The following CAMSAP2 variants were observed in gnomAD, a reference collection of about 807,000 sequenced individuals.
The protein encoded by CAMSAP2 is calmodulin regulated spectrin associated protein family member 2, also known as calmodulin-regulated spectrin-associated protein 2.
In CAMSAP2, 26 loss-of-function variants were observed where a neutral mutation model predicts 146.1. The ratio of observed to expected loss-of-function variants is 0.18; its 90% CI spans 0.13 to 0.25. The LOEUF is 0.25. Ranked by LOEUF, CAMSAP2 falls within the 10% of genes least tolerant of loss-of-function variation. CAMSAP2 has a pLI of 1.00. For synonymous variants in CAMSAP2, 499 were observed against 596.6 expected (o/e 0.84, Z 2.38); for missense variants, 1,381 against 1,759.3 (o/e 0.78, Z 3.85).
At chr1:200,851,285 C>G (rs1329994522) in intron 11 of CAMSAP2, among the ~76,000 whole-genome samples, 2 of 152,330 alleles carry the variant, frequency 1.3e-5, no homozygotes, top group East Asian at 1.9e-4. Context: ...ACCACAACCT[C>G]CGCCTCCTGG....
intron 6 of CAMSAP2, among the ~76,000 whole-genome samples, chr1:200,840,111 C>G (rs563231169): frequency 2.0e-5 from 3 of 152,252 alleles, no homozygotes; most frequent in African/African-American, 7.2e-5. Context: ...ACTCCAGACT[C>G]TTACACTCAG....
Position 200,857,955 on chromosome 1 carries a change from G to A in CAMSAP2, c.4333G>A (p.Ala1445Thr), listed in dbSNP as rs1263242921. ...CAGGAAACAGTTTAGCCACATACCC[G>A]CTAAAACTTTATCTGCCAGTGTTGA... The part of the protein sequence containing the change: ...SDRKQFSHIP[A>T]KTLSASVDAI... Residue 1445 changes from alanine (A) to threonine (T), a missense_variant, in exon 17 of 17, where the codon GCT (alanine) becomes ACT (threonine). Ala to Thr is a moderately conservative substitution (Grantham distance 58, BLOSUM62 0). Coordinates refer to ENST00000358823, the MANE Select transcript of CAMSAP2 (RefSeq NM_203459.4). This position sits in a 1 kb window ranked among gnomAD's most constrained non-coding sequence, Gnocchi z 4.7. 2.5e-6 allele frequency: 4 copies of A among 1,613,716 alleles called. No individual in the cohort carries two copies. The highest frequency in any genetic ancestry group is 1.3e-5 in the African/African-American group (1 of 75,004).
intron 2 of CAMSAP2, among the ~76,000 whole-genome samples, chr1:200,777,177 T>C (rs767292381): frequency 1.3e-5 from 2 of 152,170 alleles, no homozygotes; most frequent in Non-Finnish European, 2.9e-5. Flanking sequence ...TTTGACTCCT[T>C]TGAATATACT....
rs781103802 is a variant in CAMSAP2, at chr1:200,857,736, T to C, written c.4132-18T>C. Reference sequence around the variant, plus strand: ...TTTTATTCGTGTTGTTATGTTGTTTTTGTTTTTTATTTTAAAGGAAATGGA... The same window carrying C: ...TTTTATTCGTGTTGTTATGTTGTTTCTGTTTTTTATTTTAAAGGAAATGGA... On this transcript the variant is annotated intron_variant, in intron 16 of 16. Transcript: ENST00000358823. This position sits in a 1 kb window ranked among gnomAD's most constrained non-coding sequence, Gnocchi z 4.7. The C allele has an allele frequency of 1.3e-6, 2 of 1,558,894 alleles. No individual in the cohort carries two copies. The highest frequency in any genetic ancestry group is 4.3e-5 in the Admixed American group (2 of 46,754).
intron 2 of CAMSAP2, among the ~76,000 whole-genome samples, chr1:200,780,779 C>A (rs1409735949): frequency 1.3e-5 from 2 of 152,178 alleles, no homozygotes; most frequent in African/African-American, 2.4e-5. Context: ...TCTTGTGAAA[C>A]CCCCTGCTGT....
intron 11 of CAMSAP2, among the ~76,000 whole-genome samples, chr1:200,852,195 T>G (rs1272829403): frequency 1.3e-5 from 2 of 152,246 alleles, no homozygotes; most frequent in Non-Finnish European, 2.9e-5. Flanking sequence ...AAAATTTAAA[T>G]GCAATTTTAA....
At position 200,832,887 on chromosome 1, in the gene CAMSAP2, T is replaced by A; in HGVS notation, c.927+42T>A. On this transcript the variant is annotated intron_variant, in intron 6 of 16. Transcript: ENST00000358823. This position sits in a 1 kb window ranked among gnomAD's most constrained non-coding sequence, Gnocchi z 4.2. ...TTTTTTTCCCTTTGCTTTGTTAAAATATGTTTTTTTAAAAAACAAACAAAA... is the reference window on the plus strand; with the variant it reads ...TTTTTTTCCCTTTGCTTTGTTAAAAAATGTTTTTTTAAAAAACAAACAAAA... 6.6e-7 allele frequency: 1 copy of A among 1,516,728 alleles called. No homozygotes were observed. The highest frequency in any genetic ancestry group is 8.9e-7 in the Non-Finnish European group (1 of 1,127,804). 94.0% of individuals were successfully genotyped at this position (1,516,728 alleles called of 1,614,324 possible).
At chr1:200,798,452 G>C (rs1321604582) in intron 2 of CAMSAP2, among the ~76,000 whole-genome samples, 4 of 134,748 alleles carry the variant, frequency 3.0e-5, no homozygotes, top group African/African-American at 1.2e-4. Context: ...GTTCACTCAT[G>C]ATTTGGCTCT....
intron 8 of CAMSAP2, among the ~76,000 whole-genome samples, chr1:200,845,650 C>T (rs1216314485): frequency 6.6e-6 from 1 of 152,090 alleles, no homozygotes; most frequent in Non-Finnish European, 1.5e-5. Flanking sequence ...TACATCCACC[C>T]AGCTTGTGTA....
chr1:200,849,630 G>T lies in CAMSAP2; in HGVS notation c.2861G>T (p.Arg954Leu), dbSNP rs144674686. Residue 954 changes from arginine to leucine, a missense_variant, in exon 11 of 17, where the codon CGT (arginine) becomes CTT (leucine). Arg to Leu is a moderately radical substitution (Grantham distance 102). Around this residue, in one of 4 missense-constraint regions of CAMSAP2, gnomAD observed 560 missense variants for 715.9 expected, o/e 0.78. Coordinates refer to ENST00000358823, the MANE Select transcript of CAMSAP2 (RefSeq NM_203459.4). This position sits in a 1 kb window ranked among gnomAD's most constrained non-coding sequence, Gnocchi z 6.3. ...GCACCATTCTCCTCAGACTCCCCTCGTCCTACTCACCCATCTCCACAGTCT... is the reference window on the plus strand; with the variant it reads ...GCACCATTCTCCTCAGACTCCCCTCTTCCTACTCACCCATCTCCACAGTCT... ...AIAPFSSDSPRPTHPSPQSSN... is the reference protein window; with the variant it reads ...AIAPFSSDSPLPTHPSPQSSN... The T allele has an allele frequency of 1.2e-6, 2 of 1,613,908 alleles. No individual in the cohort carries two copies. The highest frequency in any genetic ancestry group is 1.7e-6 in the Non-Finnish European group (2 of 1,180,010).
chr1:200,807,551 C>T lies in CAMSAP2; in HGVS notation c.561+14C>T. The T allele has an allele frequency of 2.6e-6, 4 of 1,530,488 alleles. No individual in the cohort carries two copies. The South Asian group carries it at 3.8e-5, about 14-fold the overall frequency. The allele number at this position is 1,530,488 out of a possible 1,614,324, so 94.8% of individuals were successfully genotyped here. Reference sequence around the variant, plus strand: ...TGGATAAATAAGGTAGGATTATACTCACTTGAGTAAATCGCATCTCATAGC... The same window carrying T: ...TGGATAAATAAGGTAGGATTATACTTACTTGAGTAAATCGCATCTCATAGC... On this transcript the variant is annotated intron_variant, in intron 3 of 16. Transcript: ENST00000358823.
intron 2 of CAMSAP2, among the ~76,000 whole-genome samples, chr1:200,767,069 A>T (rs553301899): frequency 6.6e-6 from 1 of 152,242 alleles, no homozygotes; most frequent in Non-Finnish European, 1.5e-5. Flanking sequence ...GGTGGCTCAC[A>T]CCTGTAATTC....
intron 7 of CAMSAP2, among the ~76,000 whole-genome samples, chr1:200,843,846 T>TG (rs1000344163): frequency 9.2e-5 from 14 of 152,140 alleles, no homozygotes; most frequent in Middle Eastern, 3.4e-3. Flanking sequence ...TTTGTTTTTT[T>TG]TTTGTTTGTT....
intron 4 of CAMSAP2, among the ~76,000 whole-genome samples, chr1:200,817,141 T>G (rs1272736172): frequency 2.3e-5 from 3 of 132,616 alleles, no homozygotes; most frequent in Non-Finnish European, 4.8e-5. Flanking sequence ...TATGTGTATA[T>G]ATACACATAC....
chr1:200,850,430 T>C (rs1213222838), intron 11 of CAMSAP2, among the ~76,000 whole-genome samples, 196 bp downstream of exon 11: 1 of 152,184 alleles, frequency 6.6e-6, no homozygotes, highest in Non-Finnish European at 1.5e-5. Context: ...ATAAATCCTT[T>C]TATCACATGT....
At chr1:200,791,714 T>C (rs1665758049) in intron 2 of CAMSAP2, among the ~76,000 whole-genome samples, 1 of 152,206 alleles carries the variant, frequency 6.6e-6, no homozygotes, top group South Asian at 2.1e-4. Flanking sequence ...TTTAAGACCC[T>C]CTTAGAGATT....
intron 4 of CAMSAP2, among the ~76,000 whole-genome samples, chr1:200,816,910 GTGTGTATGTGTGTA>G (rs1666554362): frequency 4.2e-5 from 3 of 70,756 alleles, no homozygotes; most frequent in Admixed American, 2.6e-4. Context: ...ACACACACGC[GTGTGTATGTGTGTA>G]CACACACACG....
At chr1:200,847,964 C>T (rs1275241833) in intron 10 of CAMSAP2, 68 bp from the exon 11 acceptor site, 1 of 1,109,084 alleles carries the variant, frequency 9.0e-7, no homozygotes, top group Non-Finnish European at 1.3e-6. Context: ...TCAAATAATT[C>T]TTGTTAAATG....
In CAMSAP2 at chr1:200,853,416, A is replaced by G; in HGVS notation, c.3744A>G (p.Val1248=). 7 of 1,613,970 alleles carry G rather than the reference A, an allele frequency of 4.3e-6. No individual in the cohort carries two copies. Among genetic ancestry groups the G allele is most frequent in the Non-Finnish European group, 5.9e-6 (7 of 1,179,916 alleles). The change falls in exon 13 of 17, where the codon GTA becomes GTG. Residue 1248 remains valine (V), a synonymous_variant. Coordinates refer to ENST00000358823, the MANE Select transcript of CAMSAP2 (RefSeq NM_203459.4). The surrounding 1 kb of genome is among the most constrained non-coding windows in gnomAD (Gnocchi z 5.1). ...DTVIKPRPQV[V]KQKKQRPKSI... ...TAATTAAACCCCGTCCTCAAGTAGTAAAACAAAAAAAACAGCGACCAAAAT... is the reference window on the plus strand; with the variant it reads ...TAATTAAACCCCGTCCTCAAGTAGTGAAACAAAAAAAACAGCGACCAAAAT...
Sources: allele counts gnomAD v4.1 joint callset (sites outside exome capture counted in the v4.1 genomes callset), GRCh38; gene constraint gnomAD v4.1.1; regional missense constraint gnomAD v4.1.1; non-coding constraint Gnocchi (gnomAD v3.1); transcripts MANE v1.5; gene names NCBI Gene and HGNC (gene_info 2026-07-23, HGNC 2026-07-21).